The following RAPGEF6 variants were observed in gnomAD, a reference collection of about 807,000 sequenced individuals.
RAPGEF6 encodes PDZ domain containing guanine nucleotide exchange factor (GEF) 2.
Under a neutral mutation model 171.4 loss-of-function variants are expected in RAPGEF6, and 56 were observed. The ratio of observed to expected loss-of-function variants is 0.33; its 90% CI spans 0.26 to 0.41. The LOEUF (loss-of-function observed/expected upper bound fraction) is 0.41. RAPGEF6 is among the 10% of genes least tolerant of loss of function. The pLI is 1.00. For synonymous variants in RAPGEF6, 692 were observed against 650.1 expected (o/e 1.06, Z -0.98); for missense variants, 1,674 against 1,921.4 (o/e 0.87, Z 2.41).
intron 5 of RAPGEF6, among the ~76,000 whole-genome samples, chr5:131,553,153 G>A (rs928351088): frequency 6.6e-6 from 1 of 152,158 alleles, no homozygotes; most frequent in Non-Finnish European, 1.5e-5. Flanking sequence ...AGAACATGAA[G>A]AGACCCTGCT....
At chr5:131,501,206 T>A (rs1756999760) in intron 11 of RAPGEF6, among the ~76,000 whole-genome samples, 1 of 152,008 alleles carries the variant, frequency 6.6e-6, no homozygotes, top group Non-Finnish European at 1.5e-5. Context: ...AGTGATGGCA[T>A]GCACCTGTAG....
At chr5:131,472,862 C>T (rs1211731808) in intron 16 of RAPGEF6, 118 bp from the exon 17 acceptor site, 1 of 836,222 alleles carries the variant, frequency 1.2e-6, no homozygotes, top group Non-Finnish European at 1.8e-6. Flanking sequence ...ATTTAAACAA[C>T]TGAAATACTA....
At chr5:131,427,719 T>C (rs1461476884) in intron 27 of RAPGEF6, among the ~76,000 whole-genome samples, 1 of 152,166 alleles carries the variant, frequency 6.6e-6, no homozygotes, top group Admixed American at 6.5e-5. Flanking sequence ...TCCCATTAGA[T>C]TGAGCCACTG....
At chr5:131,603,787 T>C (rs970706016) in intron 2 of RAPGEF6, among the ~76,000 whole-genome samples, 19 of 151,942 alleles carry the variant, frequency 1.3e-4, no homozygotes, top group Non-Finnish European at 4.4e-5. Flanking sequence ...GATATAATTA[T>C]TTGGCATACA....
intron 6 of RAPGEF6, among the ~76,000 whole-genome samples, chr5:131,531,111 T>C (rs1254919390): frequency 1.3e-5 from 2 of 152,160 alleles, no homozygotes; most frequent in Non-Finnish European, 1.5e-5. Context: ...AAGAAAGACA[T>C]GCAGTGAGCT....
chr5:131,571,187 C>T (rs962855633), intron 4 of RAPGEF6, among the ~76,000 whole-genome samples: 1 of 152,018 alleles, frequency 6.6e-6, no homozygotes, highest in African/African-American at 2.4e-5. Flanking sequence ...GGTGATCCAC[C>T]CGCCTTGGCC....
chr5:131,430,964 C>T lies in RAPGEF6; in HGVS notation c.4360G>A (p.Val1454Ile). Reference sequence around the variant, plus strand: ...GACTCAGCTGGGGTGCTCTCCAATACTCTCTGTTTAACTGTCCCATAGTTT... The same window carrying T: ...GACTCAGCTGGGGTGCTCTCCAATATTCTCTGTTTAACTGTCCCATAGTTT... ...EPNYGTVKQR[V>I]LESTPAESSE... Residue 1454 changes from valine to isoleucine, a missense_variant, in exon 26 of 28, where the codon GTA (valine) becomes ATA (isoleucine). This residue lies in a region of RAPGEF6 where 552 missense variants were observed against 574.2 expected (regional missense o/e 0.96). Transcript: ENST00000509018. 6.2e-7 allele frequency: 1 copy of T among 1,614,184 alleles called. No homozygotes were observed. Among genetic ancestry groups the T allele is most frequent in the South Asian group, 1.1e-5 (1 of 91,088 alleles).
intron 6 of RAPGEF6, among the ~76,000 whole-genome samples, chr5:131,529,577 T>A (rs1269020400): frequency 1.3e-5 from 2 of 150,628 alleles, no homozygotes; most frequent in Non-Finnish European, 3.0e-5. Context: ...CATTAGGCAA[T>A]CCAGGGCAAA....
intron 4 of RAPGEF6, among the ~76,000 whole-genome samples, chr5:131,573,334 C>T (rs1762419158): frequency 6.6e-6 from 1 of 152,134 alleles, no homozygotes. Flanking sequence ...AGTCAGGGTA[C>T]GTGTCCCCTT....
chr5:131,603,730 T>C (rs934513127), intron 2 of RAPGEF6, among the ~76,000 whole-genome samples: 2 of 152,082 alleles, frequency 1.3e-5, no homozygotes, highest in Admixed American at 1.3e-4. Flanking sequence ...CAATAAAAAA[T>C]ATTTTGAGTA....
At chr5:131,432,534 C>T (rs965764093) in intron 25 of RAPGEF6, among the ~76,000 whole-genome samples, 148 of 152,084 alleles carry the variant, frequency 9.7e-4, no homozygotes, top group Non-Finnish European at 1.1e-3. Context: ...AGGAGAACAG[C>T]GTGAACCCAG....
At chr5:131,576,371 C>G (rs572918444) in intron 4 of RAPGEF6, among the ~76,000 whole-genome samples, 13 of 151,936 alleles carry the variant, frequency 8.6e-5, no homozygotes, top group Admixed American at 2.0e-4. Context: ...GGCTCTCACC[C>G]TTGCAAAGGG....
chr5:131,516,162 C>T (rs1422869733), intron 7 of RAPGEF6, among the ~76,000 whole-genome samples: 17 of 142,876 alleles, frequency 1.2e-4, no homozygotes, highest in African/African-American at 5.3e-5. Context: ...GATCTTGGCT[C>T]ACTGCACCTC....
At chr5:131,485,758 A>G (rs1012986039) in intron 15 of RAPGEF6, among the ~76,000 whole-genome samples, 2 of 152,168 alleles carry the variant, frequency 1.3e-5, no homozygotes, top group African/African-American at 4.8e-5. Flanking sequence ...GTGAGAGATG[A>G]AGGGTGGTGT....
At position 131,479,471 on chromosome 5, in the gene RAPGEF6, G is replaced by A. The variant is rs759483670; in HGVS notation, c.2081+42C>T. ...CCACCCCAAATAAAAACTTTACAGT[G>A]AAGATGAAAATTCCTGCATAGCTAA... On this transcript the variant is annotated intron_variant, in intron 16 of 27. Transcript: ENST00000509018. 3.1e-6 allele frequency: 5 copies of A among 1,600,200 alleles called. No homozygotes were observed. The East Asian group carries it at 1.1e-4, about 36-fold the overall frequency.
At chr5:131,428,771 T>G (rs565468308) in intron 27 of RAPGEF6, 131 bp downstream of exon 27, 1 of 1,052,982 alleles carries the variant, frequency 9.5e-7, no homozygotes, top group East Asian at 2.5e-5. Context: ...CGGCAGGAAC[T>G]TCTTACTTTT....
At chr5:131,438,287 G>A (rs753800757) in intron 24 of RAPGEF6, among the ~76,000 whole-genome samples, 32 of 152,318 alleles carry the variant, frequency 2.1e-4, no homozygotes, top group Non-Finnish European at 3.7e-4. Flanking sequence ...AAACCTGACC[G>A]TATAAATAAA....
chr5:131,524,661 G>C (rs1758760758), intron 6 of RAPGEF6, among the ~76,000 whole-genome samples: 1 of 150,086 alleles, frequency 6.7e-6, no homozygotes, highest in South Asian at 2.1e-4. Flanking sequence ...TGTCACCTAC[G>C]CTGGAGTGCA....
At chr5:131,569,349 T>C (rs1042791497) in intron 4 of RAPGEF6, among the ~76,000 whole-genome samples, 2 of 152,198 alleles carry the variant, frequency 1.3e-5, no homozygotes, top group African/African-American at 4.8e-5. Flanking sequence ...ACAGTCAGGA[T>C]TGGTACCAAG....
Sources: gnomAD v4.1 joint callset for allele counts (sites outside exome capture counted in the v4.1 genomes callset) on GRCh38, gnomAD v4.1.1 for gene constraint, gnomAD v4.1.1 regional missense constraint, MANE v1.5 for transcripts, NCBI Gene and HGNC (gene_info 2026-07-23, HGNC 2026-07-21) for gene names.